Variants in ZRANB3 observed in about 807,000 individuals in gnomAD.
ZRANB3 encodes the protein zinc finger RANBP2-type containing 3, also known as DNA annealing helicase and endonuclease ZRANB3.
ZRANB3 carries 125 observed loss-of-function variants against 133.8 expected under a neutral mutation model. The ratio of observed to expected loss-of-function variants is 0.93; its 90% CI spans 0.81 to 1.08. The LOEUF (loss-of-function observed/expected upper bound fraction) is 1.08, where lower values mean the gene tolerates loss of function less well. Among genes scored for constraint, ZRANB3 ranks in the 50% least tolerant of loss-of-function variants. The pLI is 0.00. For missense variants in ZRANB3, 1,229 were observed against 1,275.5 expected, an observed-to-expected ratio of 0.96 and a Z score of 0.56; for synonymous variants, 387 against 432.7, an observed-to-expected ratio of 0.89 and a Z score of 1.31.
At chr2:135,396,334 T>C (rs184476903) in intron 2 of ZRANB3, among the ~76,000 whole-genome samples, 1 of 151,214 alleles carries the variant, frequency 6.6e-6, no homozygotes, top group African/African-American at 2.4e-5. Flanking sequence ...GGAAAGGAAA[T>C]TAGTATATCA....
intron 12 of ZRANB3, among the ~76,000 whole-genome samples, chr2:135,263,579 A>T (rs1000282676): frequency 6.6e-6 from 1 of 152,194 alleles, no homozygotes; most frequent in African/African-American, 2.4e-5. Flanking sequence ...CCAAGTCTGG[A>T]GCAAAAAAAT....
chr2:135,469,434 C>G (rs919492264), intron 2 of ZRANB3, among the ~76,000 whole-genome samples: 18 of 152,114 alleles, frequency 1.2e-4, no homozygotes, highest in African/African-American at 4.3e-4. Flanking sequence ...AAATAACTAT[C>G]ACAAGGAGGG....
intron 5 of ZRANB3, among the ~76,000 whole-genome samples, chr2:135,346,208 C>T (rs1226875610): frequency 1.3e-5 from 2 of 152,244 alleles, no homozygotes; most frequent in African/African-American, 2.4e-5. Flanking sequence ...GCCATTCTCT[C>T]GCCTCAGCCT....
rs78775065 is a variant in ZRANB3 at position 135,279,069 on chromosome 2, T to C, written c.967-3314A>G. Among the ~76,000 whole-genome samples the C allele has an allele frequency of 7.1e-3, 1,079 of 152,174 alleles. 11 individuals are homozygous for C. Among genetic ancestry groups the C allele is most frequent in the African/African-American group, 0.024 (1,010 of 41,522 alleles). The stretch of plus-strand genomic sequence containing the variant: ...CAATATAAGTATGGTGTTGAGGGAT[T>C]TGAAGTAAATACTAAAAAAAAAATC... On this transcript the variant is annotated intron_variant, in intron 8 of 20. Transcript: ENST00000264159.
intron 2 of ZRANB3, among the ~76,000 whole-genome samples, chr2:135,410,221 C>T (rs1399737973): frequency 2.0e-5 from 3 of 152,120 alleles, no homozygotes; most frequent in African/African-American, 7.2e-5. Context: ...CATCACACTA[C>T]CCAACTTCAA....
intron 3 of ZRANB3, among the ~76,000 whole-genome samples, chr2:135,375,502 G>C (rs1686381101): frequency 6.6e-6 from 1 of 152,118 alleles, no homozygotes; most frequent in South Asian, 2.1e-4. Flanking sequence ...TGGCTAACAT[G>C]GTGAAACCCC....
intron 9 of ZRANB3, among the ~76,000 whole-genome samples, chr2:135,274,398 C>T (rs1680679133): frequency 6.6e-6 from 1 of 152,180 alleles, no homozygotes; most frequent in Non-Finnish European, 1.5e-5. Context: ...AATAGTATGA[C>T]TGCAGTTGGG....
chr2:135,392,355 AGG>A (rs368812483), intron 2 of ZRANB3, among the ~76,000 whole-genome samples: 499 of 81,986 alleles, frequency 6.1e-3, no homozygotes, highest in African/African-American at 0.015. Flanking sequence ...AAAAAAAAAA[AGG>A]GGGGGGGGGC....
intron 2 of ZRANB3, among the ~76,000 whole-genome samples, chr2:135,484,808 C>G (rs994037862): frequency 6.6e-6 from 1 of 151,496 alleles, no homozygotes; most frequent in Non-Finnish European, 1.5e-5. Flanking sequence ...CCAAAGTGGG[C>G]AGATCACTTG....
chr2:135,237,469 C>A lies in ZRANB3; in HGVS notation c.1540-6542G>T, dbSNP rs147948587. Among the ~76,000 whole-genome samples, 39 of 151,974 alleles carry A rather than the reference C, an allele frequency of 2.6e-4. 1 individual carries two copies. The East Asian group carries it at 6.2e-3, about 24-fold the overall frequency. ...TATACCCAAAGGATTATCAAACATGCTGCTATAAAGACACATGCACACGTA... is the reference window on the plus strand; with the variant it reads ...TATACCCAAAGGATTATCAAACATGATGCTATAAAGACACATGCACACGTA... On this transcript the variant is annotated intron_variant, in intron 12 of 20. Coordinates refer to ENST00000264159, the MANE Select transcript of ZRANB3 (RefSeq NM_032143.4).
chr2:135,421,204 T>C (rs994623107), intron 2 of ZRANB3, among the ~76,000 whole-genome samples: 8 of 152,176 alleles, frequency 5.3e-5, no homozygotes, highest in African/African-American at 1.9e-4. Flanking sequence ...CTTGTAACTA[T>C]GGAAAACTGA....
At chr2:135,312,176 T>C (rs1683022550) in intron 8 of ZRANB3, among the ~76,000 whole-genome samples, 1 of 145,450 alleles carries the variant, frequency 6.9e-6, no homozygotes, top group Non-Finnish European at 1.5e-5. Flanking sequence ...TATTTTATTT[T>C]ATTTTATTTT....
At position 135,202,880 on chromosome 2, in the gene ZRANB3, C is replaced by G. The variant is rs1159895798; in HGVS notation, c.3093G>C (p.Gln1031His). ...GAGTCTGCAGGTTGTCCAGGGAACA[C>G]TGTCCTCCTCCCCCATACACTGGCT... Reference protein sequence around the residue: ...HIKPVYGGGGQCSLDNLQTLC... With the variant: ...HIKPVYGGGGHCSLDNLQTLC... Residue 1031 changes from glutamine (Q) to histidine (H), a missense_variant, in exon 20 of 21, where the codon CAG becomes CAC. Physicochemically the swap from Gln to His is conservative, Grantham distance 24. Transcript: ENST00000264159. 1.9e-6 allele frequency: 3 copies of G among 1,611,268 alleles called. No homozygotes were observed. The highest frequency in any genetic ancestry group is 1.6e-4 in the Middle Eastern group (1 of 6,082).
In ZRANB3 at chr2:135,280,507, C is replaced by A. The variant is rs186528821; in HGVS notation, c.967-4752G>T. Among the ~76,000 whole-genome samples, 731 of 152,140 alleles carry A rather than the reference C, an allele frequency of 4.8e-3. 8 individuals are homozygous for A. The highest frequency in any genetic ancestry group is 0.017 in the African/African-American group (689 of 41,498). ...ATTTGAGCCCGGGAGGCAGAGGTTG[C>A]GGTGAGCTGAGATCACACCATTGCA... On this transcript the variant is annotated intron_variant, in intron 8 of 20. Transcript: ENST00000264159.
chr2:135,358,131 C>T (rs1413251706), intron 3 of ZRANB3, among the ~76,000 whole-genome samples: 3 of 152,180 alleles, frequency 2.0e-5, no homozygotes, highest in Non-Finnish European at 2.9e-5. Flanking sequence ...CTTAGTACCA[C>T]AATACTGCTA....
intron 3 of ZRANB3, among the ~76,000 whole-genome samples, chr2:135,374,209 C>T (rs1487900225): frequency 6.6e-6 from 1 of 152,070 alleles, no homozygotes; most frequent in Admixed American, 6.6e-5. Context: ...GATTTTGAGA[C>T]CACACTAGCG....
At position 135,442,264 on chromosome 2, in the gene ZRANB3, C is replaced by T. The variant is rs181556414; in HGVS notation, c.162-51444G>A. Among the ~76,000 whole-genome samples the T allele has an allele frequency of 2.2e-4, 34 of 152,248 alleles. 1 individual carries two copies. Among genetic ancestry groups the T allele is most frequent in the Admixed American group, 7.9e-4 (12 of 15,282 alleles). On this transcript the variant is annotated intron_variant, in intron 2 of 20. Coordinates refer to ENST00000264159, the MANE Select transcript of ZRANB3 (RefSeq NM_032143.4). Reference sequence around the variant, plus strand: ...ACCAGCAGAGTGAACAGGCAACCTACAGAATGGGAGCAAATTTTTGCAATC... The same window carrying T: ...ACCAGCAGAGTGAACAGGCAACCTATAGAATGGGAGCAAATTTTTGCAATC...
intron 2 of ZRANB3, among the ~76,000 whole-genome samples, chr2:135,467,635 A>T (rs1446152615): frequency 6.6e-6 from 1 of 152,032 alleles, no homozygotes; most frequent in African/African-American, 2.4e-5. Context: ...TTGCTGGATA[A>T]TTTTTATCAG....
At chr2:135,345,206 C>T (rs1214823043) in intron 6 of ZRANB3, 1 of 174,014 alleles carries the variant, frequency 5.7e-6, no homozygotes, top group East Asian at 1.4e-4. Flanking sequence ...TTCATAGCTA[C>T]CACAAATTTG....
Sources: allele counts gnomAD v4.1 joint callset (sites outside exome capture counted in the v4.1 genomes callset), GRCh38; gene constraint gnomAD v4.1.1; transcripts MANE v1.5; gene names NCBI Gene and HGNC (gene_info 2026-07-23, HGNC 2026-07-21).